The following EIF3E variants were observed in gnomAD, a reference collection of about 807,000 sequenced individuals.
EIF3E encodes the protein eIF-3 p48.
In EIF3E, 25 loss-of-function variants were observed where a neutral mutation model predicts 59.3. That is an observed-to-expected ratio of 0.42 (90% confidence interval 0.31 to 0.59). The LOEUF is 0.59. Among genes scored for constraint, EIF3E ranks in the 20% least tolerant of loss-of-function variants. The pLI, the probability that EIF3E is intolerant of heterozygous loss-of-function variation, is 0.15. For synonymous variants in EIF3E, 176 were observed against 170.2 expected, an observed-to-expected ratio of 1.03 and a Z score of -0.26; for missense variants, 317 against 534.3, an observed-to-expected ratio of 0.59 and a Z score of 4.01.
At chr8:108,230,061 A>T (rs1815593012) in intron 5 of EIF3E, among the ~76,000 whole-genome samples, 1 of 152,182 alleles carries the variant, frequency 6.6e-6, no homozygotes, top group Non-Finnish European at 1.5e-5. Context: ...AACCGATCAG[A>T]TGTGCTAAAG....
At chr8:108,224,495 G>A (rs1468210668) in intron 7 of EIF3E, among the ~76,000 whole-genome samples, 2 of 151,426 alleles carry the variant, frequency 1.3e-5, no homozygotes, top group Non-Finnish European at 2.9e-5. Flanking sequence ...AGTCAACTGG[G>A]TATATTTCCA....
At chr8:108,241,495 C>T (rs1238145884) in intron 2 of EIF3E, among the ~76,000 whole-genome samples, 1 of 151,408 alleles carries the variant, frequency 6.6e-6, no homozygotes, top group African/African-American at 2.4e-5. Flanking sequence ...AAGTTAGCAA[C>T]CCAAGAACTG....
chr8:108,228,080 A>G, intron 7 of EIF3E, 187 bp downstream of exon 7: 1 of 534,254 alleles, frequency 1.9e-6, no homozygotes, highest in South Asian at 3.6e-5. Context: ...CTTAGGGTAC[A>G]CTCTGTCAAA....
chr8:108,240,349 T>C (rs930573001), intron 2 of EIF3E, among the ~76,000 whole-genome samples: 2 of 152,050 alleles, frequency 1.3e-5, no homozygotes, highest in African/African-American at 2.4e-5. Context: ...GACAGAGGGA[T>C]GTGAAAGAAA....
intron 10 of EIF3E, among the ~76,000 whole-genome samples, chr8:108,208,491 T>C (rs1815145914): frequency 1.3e-5 from 2 of 152,226 alleles, no homozygotes; most frequent in African/African-American, 4.8e-5. Context: ...AAATGCTAAA[T>C]CCTTATGTGA....
chr8:108,210,592 C>T (rs1345078636), intron 10 of EIF3E, among the ~76,000 whole-genome samples: 2 of 152,046 alleles, frequency 1.3e-5, no homozygotes, highest in East Asian at 3.9e-4. Flanking sequence ...TATTTCCAGC[C>T]ACTGTCTTTT....
chr8:108,233,092 A>AT (rs1318899296), intron 5 of EIF3E, among the ~76,000 whole-genome samples: 9 of 152,246 alleles, frequency 5.9e-5, no homozygotes, highest in African/African-American at 2.2e-4. Context: ...AACTGATGGA[A>AT]TTTTTTGATA....
intron 7 of EIF3E, chr8:108,226,188 A>G (rs2129889318): frequency 7.1e-6 from 1 of 140,138 alleles, no homozygotes. Flanking sequence ...ACATTCAATA[A>G]TTCTTTTTTT....
chr8:108,204,746 T>TATATATATAG (rs1354950271), intron 10 of EIF3E, among the ~76,000 whole-genome samples: 95 of 113,628 alleles, frequency 8.4e-4, no homozygotes, highest in East Asian at 3.2e-3. Flanking sequence ...TATATATATA[T>TATATATATAG]AGAGAGAGAG....
intron 10 of EIF3E, among the ~76,000 whole-genome samples, chr8:108,214,274 C>A (rs1478630720): frequency 6.6e-6 from 1 of 152,144 alleles, no homozygotes; most frequent in Non-Finnish European, 1.5e-5. Flanking sequence ...CTCCTTTGTA[C>A]TGTTGTTGAA....
intron 10 of EIF3E, among the ~76,000 whole-genome samples, chr8:108,209,829 G>T (rs1292889184): frequency 6.6e-6 from 1 of 152,128 alleles, no homozygotes; most frequent in Non-Finnish European, 1.5e-5. Context: ...AGGGTGGCAG[G>T]GAAGAGGGTA....
At position 108,217,340 on chromosome 8, in the gene EIF3E, A is replaced by C; in HGVS notation, c.843T>G (p.Ile281Met). The change falls in exon 8 of 13, where the codon ATT becomes ATG. Residue 281 changes from isoleucine (I) to methionine (M), a missense_variant. Around this residue, in one of 4 missense-constraint regions of EIF3E, gnomAD observed 242 missense variants for 398.0 expected, o/e 0.61. Coordinates refer to ENST00000220849, the MANE Select transcript of EIF3E (RefSeq NM_001568.3). ...ATATATATTTTAGTTTTACCTGTTG[A>C]ATAACTTTAACTAGATCTTTTAGAA... ...RQVLKDLVKV[I>M]QQESYTYKDP... 1 of 1,544,600 alleles carries C rather than the reference A, an allele frequency of 6.5e-7. No homozygotes were observed. The highest frequency in any genetic ancestry group is 8.7e-7 in the Non-Finnish European group (1 of 1,145,922).
Position 108,201,762 on chromosome 8 carries a change from T to C in EIF3E, c.*123A>G, listed in dbSNP as rs1814999493. Reference sequence around the variant, plus strand: ...GCAAGATAAAATGAATCAATTTTATTCCAATTCTTCAAAATTTATACGTAA... The same window carrying C: ...GCAAGATAAAATGAATCAATTTTATCCCAATTCTTCAAAATTTATACGTAA... On this transcript the variant is annotated 3_prime_UTR_variant, in exon 13 of 13. Transcript: ENST00000220849. The C allele has an allele frequency of 2.5e-6, 2 of 811,068 alleles. No homozygotes were observed. Among genetic ancestry groups the C allele is most frequent in the Admixed American group, 8.1e-5 (2 of 24,560 alleles). 50.2% of individuals were successfully genotyped at this position (811,068 alleles called of 1,614,324 possible). A position where few individuals can be genotyped will look rare whatever the true frequency, so the allele number is the denominator to read the frequency against.
In EIF3E at chr8:108,229,138, T is replaced by C; in HGVS notation, c.529A>G (p.Ile177Val). The part of the protein sequence containing the change: ...SSLWGKLASE[I>V]LMQNWDAAME... ...GCTGCATCCCAATTCTGCATTAAGA[T>C]TTCAGAGGCCAGCTTTCCCCAGAGT... The change falls in exon 6 of 13, where the codon ATC becomes GTC. Residue 177 changes from isoleucine (I) to valine (V), a missense_variant. Around this residue, in one of 4 missense-constraint regions of EIF3E, gnomAD observed 242 missense variants for 398.0 expected, o/e 0.61. Coordinates refer to ENST00000220849, the MANE Select transcript of EIF3E (RefSeq NM_001568.3). 1.2e-6 allele frequency: 2 copies of C among 1,613,678 alleles called. No individual in the cohort carries two copies. The highest frequency in any genetic ancestry group is 1.7e-6 in the Non-Finnish European group (2 of 1,179,764).
chr8:108,235,944 G>A (rs142994278), intron 4 of EIF3E, among the ~76,000 whole-genome samples: 1 of 152,134 alleles, frequency 6.6e-6, no homozygotes, highest in African/African-American at 2.4e-5. Context: ...CAAGCTTTGA[G>A]AATTTCTGTC....
chr8:108,220,591 T>G (rs1331461118), intron 7 of EIF3E, among the ~76,000 whole-genome samples: 3 of 152,216 alleles, frequency 2.0e-5, no homozygotes, highest in African/African-American at 7.2e-5. Context: ...TTTTGCAATT[T>G]TAGATGGCAC....
At chr8:108,248,260 T>C (rs943941059) in intron 1 of EIF3E, among the ~76,000 whole-genome samples, 2 of 152,204 alleles carry the variant, frequency 1.3e-5, no homozygotes, top group African/African-American at 4.8e-5. Context: ...CTAACAGCAC[T>C]CCAGGTTGCT....
intron 7 of EIF3E, among the ~76,000 whole-genome samples, chr8:108,224,977 G>A (rs1399133495): frequency 6.6e-6 from 1 of 151,436 alleles, no homozygotes; most frequent in Non-Finnish European, 1.5e-5. Context: ...CAACCCTTAA[G>A]TACTAATCTT....
intron 2 of EIF3E, among the ~76,000 whole-genome samples, chr8:108,240,928 C>T (rs932490437): frequency 2.0e-5 from 3 of 151,604 alleles, no homozygotes; most frequent in Admixed American, 1.3e-4. Context: ...TACAGTGAGC[C>T]GAGATCGCAC....
Sources: allele counts gnomAD v4.1 joint callset (sites outside exome capture counted in the v4.1 genomes callset), GRCh38; gene constraint gnomAD v4.1.1; regional missense constraint gnomAD v4.1.1; transcripts MANE v1.5; gene names NCBI Gene and HGNC (gene_info 2026-07-23, HGNC 2026-07-21).